The following CAMK2D variants were observed in gnomAD, a reference collection of about 807,000 sequenced individuals.
CAMK2D encodes the protein calcium/calmodulin-dependent protein kinase type II subunit delta.
A neutral mutation model predicts 84.0 loss-of-function variants in CAMK2D; 37 were observed. The observed-to-expected ratio is 0.44, with a 90% CI of 0.34 to 0.58. The LOEUF (loss-of-function observed/expected upper bound fraction) is 0.58, where lower values mean the gene tolerates loss of function less well. Ranked by LOEUF, CAMK2D falls within the 20% of genes least tolerant of loss-of-function variation. The pLI, the probability that CAMK2D is intolerant of heterozygous loss-of-function variation, is 0.02. For missense variants in CAMK2D, 448 were observed against 652.5 expected (o/e 0.69, Z 3.41); for synonymous variants, 202 against 212.5 (o/e 0.95, Z 0.43).
chr4:113,568,003 A>G (rs937292595), intron 4 of CAMK2D, among the ~76,000 whole-genome samples: 3 of 152,238 alleles, frequency 2.0e-5, no homozygotes, highest in African/African-American at 4.8e-5. Context: ...TACTTAAACC[A>G]TAAGATTTAT....
chr4:113,616,986 C>T (rs567871693), intron 3 of CAMK2D, among the ~76,000 whole-genome samples: 38 of 152,182 alleles, frequency 2.5e-4, no homozygotes, highest in African/African-American at 8.7e-4. Flanking sequence ...AGTATTGAAA[C>T]AATAGTCATT....
At chr4:113,680,478 T>C (rs2099340031) in intron 2 of CAMK2D, among the ~76,000 whole-genome samples, 1 of 152,198 alleles carries the variant, frequency 6.6e-6, no homozygotes, top group South Asian at 2.1e-4. Flanking sequence ...CTGACTGCCT[T>C]CCTTGGAGGG....
At chr4:113,568,749 T>TTTTG (rs908417136) in intron 4 of CAMK2D, among the ~76,000 whole-genome samples, 6 of 152,206 alleles carry the variant, frequency 3.9e-5, no homozygotes, top group Non-Finnish European at 7.4e-5. Context: ...ACTTTCCATC[T>TTTTG]TTTGTTTGTT....
At chr4:113,513,768 C>T (rs1199381224) in intron 11 of CAMK2D, 62 bp downstream of exon 11, 2 of 744,878 alleles carry the variant, frequency 2.7e-6, no homozygotes, top group Non-Finnish European at 4.7e-6. Context: ...ATTTTCCTCA[C>T]ACAGTATTTC....
intron 2 of CAMK2D, among the ~76,000 whole-genome samples, chr4:113,672,736 TACC>T (rs1440671395): frequency 3.3e-5 from 5 of 152,028 alleles, no homozygotes; most frequent in African/African-American, 7.2e-5. Context: ...ATTCTTTGTT[TACC>T]ACATTTGTGA....
chr4:113,541,041 C>G (rs76188058), intron 6 of CAMK2D, among the ~76,000 whole-genome samples: 4,279 of 152,248 alleles, frequency 0.028, 162 homozygotes, highest in African/African-American at 0.097. Context: ...GCAACTGTTT[C>G]CAAGTTTTGT....
intron 2 of CAMK2D, among the ~76,000 whole-genome samples, chr4:113,692,726 A>AC (rs2099391608): frequency 6.6e-6 from 1 of 152,006 alleles, no homozygotes; most frequent in African/African-American, 2.4e-5. Context: ...ATACATACAT[A>AC]TATTCATACA....
intron 16 of CAMK2D, among the ~76,000 whole-genome samples, chr4:113,494,674 C>G (rs892276550): frequency 2.6e-5 from 4 of 152,204 alleles, no homozygotes; most frequent in Non-Finnish European, 4.4e-5. Flanking sequence ...CCACCCAGTT[C>G]GAGCTTCCCG....
intron 16 of CAMK2D, among the ~76,000 whole-genome samples, chr4:113,483,191 T>G (rs1160678712): frequency 6.6e-6 from 1 of 152,176 alleles, no homozygotes; most frequent in African/African-American, 2.4e-5. Flanking sequence ...ACTATAAAAC[T>G]AAAAACTCCC....
At chr4:113,605,510 T>C (rs973788287) in intron 4 of CAMK2D, among the ~76,000 whole-genome samples, 1 of 152,236 alleles carries the variant, frequency 6.6e-6, no homozygotes, top group Non-Finnish European at 1.5e-5. Flanking sequence ...ATGTTATTAC[T>C]TAAGTAATGA....
At chr4:113,557,297 G>A (rs1350721603) in intron 4 of CAMK2D, among the ~76,000 whole-genome samples, 1 of 152,134 alleles carries the variant, frequency 6.6e-6, no homozygotes, top group African/African-American at 2.4e-5. Context: ...TTCAATGGCT[G>A]TACACTGATT....
At chr4:113,702,826 G>A (rs1427193383) in intron 2 of CAMK2D, among the ~76,000 whole-genome samples, 1 of 152,074 alleles carries the variant, frequency 6.6e-6, no homozygotes, top group Non-Finnish European at 1.5e-5. Flanking sequence ...GAGAACCCAG[G>A]AGGCAGAGGC....
intron 2 of CAMK2D, among the ~76,000 whole-genome samples, chr4:113,676,106 CCCA>C (rs1414038544): frequency 6.6e-6 from 1 of 152,122 alleles, no homozygotes; most frequent in Non-Finnish European, 1.5e-5. Flanking sequence ...GTTCTCTTTC[CCCA>C]CCACCATTCA....
intron 2 of CAMK2D, among the ~76,000 whole-genome samples, chr4:113,702,619 A>T (rs1017716830): frequency 1.3e-4 from 20 of 152,312 alleles, no homozygotes; most frequent in African/African-American, 4.3e-4. Flanking sequence ...AATTAATATG[A>T]AAATATTGGT....
At chr4:113,550,304 C>T (rs1274631573) in intron 5 of CAMK2D, among the ~76,000 whole-genome samples, 3 of 152,172 alleles carry the variant, frequency 2.0e-5, no homozygotes, top group African/African-American at 2.4e-5. Context: ...TCCTGATTAT[C>T]TGGGACTACA....
chr4:113,600,910 C>G (rs964900537), intron 4 of CAMK2D, among the ~76,000 whole-genome samples: 25 of 152,110 alleles, frequency 1.6e-4, no homozygotes, highest in African/African-American at 5.8e-4. Flanking sequence ...GCTGAGGTTA[C>G]AAGCATGAGC....
chr4:113,679,351 G>C, intron 2 of CAMK2D: 1 of 424,934 alleles, frequency 2.4e-6, no homozygotes, highest in Non-Finnish European at 3.1e-6. Context: ...TCAAAATTTA[G>C]ACTCTTATCC....
At chr4:113,532,679 G>C (rs1302582874) in intron 7 of CAMK2D, among the ~76,000 whole-genome samples, 2 of 152,160 alleles carry the variant, frequency 1.3e-5, no homozygotes, top group African/African-American at 4.8e-5. Context: ...CTAATGTCCA[G>C]ATTACATCCA....
chr4:113,629,294 C>T (rs2099080032), intron 3 of CAMK2D, among the ~76,000 whole-genome samples: 1 of 152,032 alleles, frequency 6.6e-6, no homozygotes, highest in Non-Finnish European at 1.5e-5. Context: ...ATAACAATTT[C>T]TGAGCAACCA....
Sources: allele counts gnomAD v4.1 joint callset (sites outside exome capture counted in the v4.1 genomes callset), GRCh38; gene constraint gnomAD v4.1.1; transcripts MANE v1.5; gene names NCBI Gene and HGNC (gene_info 2026-07-23, HGNC 2026-07-21).